OCM: variants seen among roughly 807,000 people sequenced by gnomAD.
OCM encodes oncomodulin-1.
OCM carries 18 observed loss-of-function variants against 14.1 expected under a neutral mutation model. The ratio of observed to expected loss-of-function variants is 1.28; its 90% CI spans 0.88 to 1.89. The LOEUF is 1.89. Among genes scored for constraint, OCM ranks in the 40% most tolerant of loss-of-function variants. The probability of loss-of-function intolerance (pLI) is 0.00; values close to 1 mark genes in which losing one functional copy is unlikely to be tolerated. For missense variants in OCM, 140 were observed against 137.6 expected (o/e 1.02, Z -0.09); for synonymous variants, 48 against 51.0 (o/e 0.94, Z 0.25).
At chr7:5,869,562 C>T in the OCM span, among the ~76,000 whole-genome samples, 1 of 152,040 alleles carries the variant, frequency 6.6e-6, no homozygotes, top group Non-Finnish European at 1.5e-5. Context: ...GGCACCACTG[C>T]ACTCCAGCCA....
the OCM span, among the ~76,000 whole-genome samples, chr7:5,861,826 G>A: frequency 3.9e-5 from 6 of 151,980 alleles, no homozygotes; most frequent in South Asian, 2.1e-4. Context: ...TGATCCTACC[G>A]CCTCGGCCTC....
chr7:5,864,332 G>A, the OCM span, among the ~76,000 whole-genome samples: 2 of 146,376 alleles, frequency 1.4e-5, no homozygotes, highest in Admixed American at 1.4e-4. Context: ...GGGTGACAGG[G>A]GGAGACCTTG....
At chr7:5,880,769 A>T, upstream of OCM, 1 of 926,266 alleles carries the variant, frequency 1.1e-6, no homozygotes, top group Non-Finnish European at 1.6e-6. Flanking sequence ...AATTTAAAAA[A>T]AAAAATAATC....
At chr7:5,868,766 A>G in the OCM span, among the ~76,000 whole-genome samples, 2 of 152,154 alleles carry the variant, frequency 1.3e-5, no homozygotes, top group Non-Finnish European at 2.9e-5. Context: ...ACCAGTACTC[A>G]TGCTACTGAG....
chr7:5,882,742 C>T, intron 2 of OCM, 117 bp downstream of exon 2: 1 of 1,244,920 alleles, frequency 8.0e-7, no homozygotes, highest in Non-Finnish European at 1.1e-6. Context: ...GGTCATTCGG[C>T]CAAGCATCAT....
intron 1 of OCM, among the ~76,000 whole-genome samples, chr7:5,881,629 CTAAATAAA>C (rs113644646): frequency 2.8e-4 from 42 of 148,736 alleles, no homozygotes; most frequent in Middle Eastern, 3.4e-3. Context: ...GACTCTGGCT[CTAAATAAA>C]TAAATAAATA....
At chr7:5,878,813 TA>T (rs1178687086), upstream of OCM, among the ~76,000 whole-genome samples, 9 of 137,314 alleles carry the variant, frequency 6.6e-5, no homozygotes, top group East Asian at 1.5e-3. Context: ...CCACAATAAT[TA>T]AAAAGAACAG....
At chr7:5,866,946 G>A in the OCM span, among the ~76,000 whole-genome samples, 5 of 152,088 alleles carry the variant, frequency 3.3e-5, no homozygotes, top group Non-Finnish European at 7.4e-5. Flanking sequence ...TACATTTAAC[G>A]TAGTGCCTGT....
upstream of OCM, among the ~76,000 whole-genome samples, chr7:5,879,514 C>A (rs1781165202): frequency 6.6e-6 from 1 of 152,054 alleles, no homozygotes; most frequent in African/African-American, 2.4e-5. Context: ...ACAGGCCTGC[C>A]TCCAACGGTA....
At chr7:5,876,339 CAG>C (rs1220813969), upstream of OCM, among the ~76,000 whole-genome samples, 3 of 152,022 alleles carry the variant, frequency 2.0e-5, no homozygotes, top group East Asian at 1.9e-4. Flanking sequence ...TTTGTAGAGA[CAG>C]GGCCTTGTCA....
chr7:5,875,006 T>G (rs1367925151), upstream of OCM, among the ~76,000 whole-genome samples: 3 of 151,772 alleles, frequency 2.0e-5, no homozygotes, highest in African/African-American at 7.3e-5. Flanking sequence ...TTACTGGAAT[T>G]ATACAATATC....
chr7:5,881,319 A>C (rs1206461523), intron 1 of OCM, among the ~76,000 whole-genome samples: 1 of 137,230 alleles, frequency 7.3e-6, no homozygotes, highest in African/African-American at 2.8e-5. Context: ...CTCTGTCTAC[A>C]AAAAAAAAAA....
At chr7:5,860,882 A>G in the OCM span, among the ~76,000 whole-genome samples, 1 of 146,670 alleles carries the variant, frequency 6.8e-6, no homozygotes, top group Non-Finnish European at 1.5e-5. Context: ...TTATTTATTT[A>G]TTGTTGTTCC....
At chr7:5,872,237 G>A in the OCM span, among the ~76,000 whole-genome samples, 1 of 152,134 alleles carries the variant, frequency 6.6e-6, no homozygotes, top group Non-Finnish European at 1.5e-5. Flanking sequence ...TGTTCCTGGG[G>A]ATCCCCCATC....
At chr7:5,882,941 C>A (rs759129201) in intron 2 of OCM, among the ~76,000 whole-genome samples, 4 of 149,140 alleles carry the variant, frequency 2.7e-5, no homozygotes, top group Non-Finnish European at 5.9e-5. Context: ...CTTCCAAATT[C>A]AAGTGATTCT....
At chr7:5,873,391 TTTTAA>T in the OCM span, among the ~76,000 whole-genome samples, 2 of 152,112 alleles carry the variant, frequency 1.3e-5, no homozygotes, top group African/African-American at 4.8e-5. Flanking sequence ...AAAAATTTTT[TTTTAA>T]TTTAATTTAA....
upstream of OCM, among the ~76,000 whole-genome samples, chr7:5,877,442 C>G (rs117419850): frequency 4.0e-5 from 6 of 151,654 alleles, no homozygotes; most frequent in Non-Finnish European, 8.8e-5. Context: ...CATTCCAGCC[C>G]GAAGAGCGAA....
At chr7:5,880,971 G>T (rs1781203551) in intron 1 of OCM, 21 bp downstream of exon 1, 1 of 1,608,864 alleles carries the variant, frequency 6.2e-7, no homozygotes, top group African/African-American at 1.3e-5. Context: ...CGTGAGGCGG[G>T]GGTGGGATTT....
At chr7:5,862,626 C>T in the OCM span, among the ~76,000 whole-genome samples, 1 of 152,168 alleles carries the variant, frequency 6.6e-6, no homozygotes, top group Non-Finnish European at 1.5e-5. Context: ...ATGTAAAATG[C>T]AGATTTACTG....
Sources: gnomAD v4.1 joint callset for allele counts (sites outside exome capture counted in the v4.1 genomes callset) on GRCh38, gnomAD v4.1.1 for gene constraint, MANE v1.5 for transcripts, NCBI Gene and HGNC (gene_info 2026-07-23, HGNC 2026-07-21) for gene names.